The following NCOA1 variants were observed in gnomAD, a reference collection of about 807,000 sequenced individuals.
NCOA1 encodes the protein Hin-2 protein.
A neutral mutation model predicts 150.9 loss-of-function variants in NCOA1; 35 were observed. The ratio of observed to expected loss-of-function variants is 0.23; its 90% CI spans 0.18 to 0.31. The LOEUF is 0.31. Among genes scored for constraint, NCOA1 ranks in the 10% least tolerant of loss-of-function variants. NCOA1 has a pLI of 1.00. For synonymous variants in NCOA1, 590 were observed against 630.0 expected (o/e 0.94, Z 0.95); for missense variants, 1,491 against 1,749.3 (o/e 0.85, Z 2.63).
intron 18 of NCOA1, among the ~76,000 whole-genome samples, chr2:24,741,177 G>T (rs762307412): frequency 2.0e-5 from 3 of 151,840 alleles, no homozygotes; most frequent in Non-Finnish European, 4.4e-5. Flanking sequence ...AATTGTAAAG[G>T]TAGTACATGT....
Position 24,704,058 on chromosome 2 carries a change from CAA to C in NCOA1, c.950-1027_950-1026del, listed in dbSNP as rs143854140. Reference sequence around the variant, plus strand: ...TTCTGCTGTTAGTAAAGCTTTAAGACAAGAGTAAATTATGCTACTTATAAAGT... The same window carrying C: ...TTCTGCTGTTAGTAAAGCTTTAAGACGAGTAAATTATGCTACTTATAAAGT... On this transcript the variant is annotated intron_variant, in intron 11 of 22. Coordinates refer to ENST00000348332, the MANE Select transcript of NCOA1 (RefSeq NM_003743.5). 6.3e-3 allele frequency among the ~76,000 whole-genome samples: 955 copies of C among 152,164 alleles called. 21 individuals carry two copies. The highest frequency in any genetic ancestry group is 0.051 in the East Asian group (263 of 5,184).
At chr2:24,556,946 G>A (rs1307262319) in intron 1 of NCOA1, among the ~76,000 whole-genome samples, 1 of 151,396 alleles carries the variant, frequency 6.6e-6, no homozygotes, top group African/African-American at 2.4e-5. Context: ...CTTGCTCTAG[G>A]CCATTGTTCC....
chr2:24,575,575 T>C (rs1428993503), intron 2 of NCOA1, among the ~76,000 whole-genome samples: 1 of 147,318 alleles, frequency 6.8e-6, no homozygotes, highest in African/African-American at 2.5e-5. Flanking sequence ...TTTTTCTTTT[T>C]CTTTTTTTTT....
At chr2:24,565,521 T>G (rs1045452990) in intron 2 of NCOA1, among the ~76,000 whole-genome samples, 21 of 152,178 alleles carry the variant, frequency 1.4e-4, no homozygotes, top group African/African-American at 4.6e-4. Flanking sequence ...AAGCATAAAT[T>G]CCAAAAATAA....
chr2:24,625,751 G>T lies in NCOA1; in HGVS notation c.-174-18215G>T, dbSNP rs1483108913. Among the ~76,000 whole-genome samples, 40 of 143,678 alleles carry T rather than the reference G, an allele frequency of 2.8e-4. 1 individual carries two copies. The highest frequency in any genetic ancestry group is 9.7e-4 in the African/African-American group (37 of 38,100). The allele number at this position is 143,678 out of a possible 152,430, so 94.3% of individuals were successfully genotyped here. A position where few individuals can be genotyped will look rare whatever the true frequency, so the allele number is the denominator to read the frequency against. ...GAAATAATTCAGTGTTTTCTGTTTT[G>T]TTTTTTTTTTTTCCTCCATGGATTA... On this transcript the variant is annotated intron_variant, in intron 3 of 22. Coordinates refer to ENST00000348332, the MANE Select transcript of NCOA1 (RefSeq NM_003743.5).
chr2:24,686,483 G>T (rs952227446), intron 8 of NCOA1, among the ~76,000 whole-genome samples: 5 of 152,206 alleles, frequency 3.3e-5, no homozygotes, highest in Middle Eastern at 3.4e-3. Flanking sequence ...TGAAGATTAG[G>T]CATGCTGCTT....
Position 24,642,013 on chromosome 2 carries a change from TGTG to T in NCOA1, c.-174-1952_-174-1950del, listed in dbSNP as rs1163998143. Among the ~76,000 whole-genome samples, 4 of 134,766 alleles carry T rather than the reference TGTG, an allele frequency of 3.0e-5. No homozygotes were observed. The East Asian group carries it at 8.1e-4, about 27-fold the overall frequency. 88.4% of individuals were successfully genotyped at this position (134,766 alleles called of 152,430 possible). A position where few individuals can be genotyped will look rare whatever the true frequency, so the allele number is the denominator to read the frequency against. On this transcript the variant is annotated intron_variant, in intron 3 of 22. Transcript: ENST00000348332. ...GCCAGCAGATTACAGAGGGCGTGTG[TGTG>T]TGTGTGTGTGTGTGTGTGTGTGCGC...
At chr2:24,495,942 C>A (rs1187542719) in intron 1 of NCOA1, among the ~76,000 whole-genome samples, 1 of 152,172 alleles carries the variant, frequency 6.6e-6, no homozygotes, top group Non-Finnish European at 1.5e-5. Flanking sequence ...TTAGCGAATT[C>A]ATCACCAAAT....
chr2:24,531,804 G>A (rs1180978584), intron 1 of NCOA1, among the ~76,000 whole-genome samples: 2 of 152,122 alleles, frequency 1.3e-5, no homozygotes, highest in Non-Finnish European at 2.9e-5. Flanking sequence ...TTTTATGACT[G>A]CATAGTATTC....
chr2:24,711,281 C>A, intron 14 of NCOA1, 170 bp downstream of exon 14: 1 of 600,234 alleles, frequency 1.7e-6, no homozygotes, highest in Non-Finnish European at 2.7e-6. Flanking sequence ...CATCATTCAT[C>A]ATGTGTATTT....
intron 14 of NCOA1, among the ~76,000 whole-genome samples, chr2:24,719,390 AT>A (rs1040069865): frequency 3.9e-4 from 59 of 152,158 alleles, no homozygotes; most frequent in African/African-American, 1.3e-3. Flanking sequence ...CTTTCTCAAA[AT>A]TTGTTGAACT....
chr2:24,613,736 A>G (rs1168638247), intron 3 of NCOA1, among the ~76,000 whole-genome samples: 45 of 151,942 alleles, frequency 3.0e-4, no homozygotes, highest in Non-Finnish European at 6.3e-4. Flanking sequence ...TATGCCCGGG[A>G]ATGGGGCAGA....
intron 14 of NCOA1, among the ~76,000 whole-genome samples, chr2:24,716,928 G>A (rs1674075552): frequency 1.3e-5 from 2 of 152,076 alleles, no homozygotes; most frequent in Non-Finnish European, 2.9e-5. Flanking sequence ...ATAAAGGAGT[G>A]ATACCCAAAA....
At chr2:24,586,660 G>A (rs934199341) in intron 3 of NCOA1, among the ~76,000 whole-genome samples, 21 of 152,150 alleles carry the variant, frequency 1.4e-4, no homozygotes, top group Non-Finnish European at 2.9e-4. Context: ...TCACCACATT[G>A]CCAAGGCTGC....
chr2:24,541,113 G>A (rs941553662), intron 1 of NCOA1, among the ~76,000 whole-genome samples: 3 of 152,192 alleles, frequency 2.0e-5, no homozygotes, highest in African/African-American at 7.2e-5. Flanking sequence ...GAACTCAAAT[G>A]TCTGGGGTTG....
chr2:24,529,721 A>G (rs1664799945), intron 1 of NCOA1, among the ~76,000 whole-genome samples: 1 of 152,172 alleles, frequency 6.6e-6, no homozygotes, highest in African/African-American at 2.4e-5. Flanking sequence ...CTCCATAAGA[A>G]TATTTGAGAG....
intron 19 of NCOA1, 50 bp downstream of exon 19, chr2:24,742,236 G>A: frequency 6.5e-7 from 1 of 1,537,934 alleles, no homozygotes; most frequent in African/African-American, 1.4e-5. Flanking sequence ...TACAGGCTTA[G>A]GTCTCTCTCC....
intron 17 of NCOA1, among the ~76,000 whole-genome samples, chr2:24,734,498 T>G (rs1215164266): frequency 6.6e-6 from 1 of 152,084 alleles, no homozygotes; most frequent in Admixed American, 6.6e-5. Context: ...AAACAAAGCT[T>G]TAAAAATTAA....
intron 1 of NCOA1, among the ~76,000 whole-genome samples, chr2:24,515,200 G>A (rs1558756855): frequency 6.6e-6 from 1 of 151,904 alleles, no homozygotes; most frequent in Non-Finnish European, 1.5e-5. Context: ...CTTATTTTGG[G>A]GTCATTTATT....
Sources: allele counts gnomAD v4.1 joint callset (sites outside exome capture counted in the v4.1 genomes callset), GRCh38; gene constraint gnomAD v4.1.1; transcripts MANE v1.5; gene names NCBI Gene and HGNC (gene_info 2026-07-23, HGNC 2026-07-21).